Variants in FER1L6 observed in about 807,000 individuals in gnomAD.
The protein encoded by FER1L6 is fer-1 like family member 6, also known as fer-1-like protein 6.
FER1L6 carries 177 observed loss-of-function variants against 219.2 expected under a neutral mutation model. That is an observed-to-expected ratio of 0.81 (90% CI 0.71 to 0.91). The LOEUF is 0.91. Ranked by LOEUF, FER1L6 falls within the 40% of genes least tolerant of loss-of-function variation. The pLI is 0.00. For missense variants in FER1L6, 2,153 were observed against 2,259.9 expected (o/e 0.95, Z 0.96); for synonymous variants, 768 against 824.3 (o/e 0.93, Z 1.17).
intron 1 of FER1L6, among the ~76,000 whole-genome samples, chr8:123,857,408 GC>G (rs1816667324): frequency 6.6e-6 from 1 of 152,236 alleles, no homozygotes; most frequent in African/African-American, 2.4e-5. Flanking sequence ...TACTCAGGAG[GC>G]TGAGGCAGAG....
chr8:123,940,129 A>G (rs1814175746), intron 1 of FER1L6, among the ~76,000 whole-genome samples: 4 of 152,152 alleles, frequency 2.6e-5, no homozygotes, highest in Admixed American at 2.6e-4. Context: ...TACGATAACA[A>G]CTGTTGTGAG....
intron 1 of FER1L6, among the ~76,000 whole-genome samples, chr8:123,954,030 T>C (rs2130110929): frequency 6.6e-6 from 1 of 152,364 alleles, no homozygotes; most frequent in East Asian, 1.9e-4. Flanking sequence ...AGGGCACTTA[T>C]TTAGCACTTT....
At chr8:123,909,626 C>A (rs1813016773) in intron 1 of FER1L6, among the ~76,000 whole-genome samples, 1 of 152,116 alleles carries the variant, frequency 6.6e-6, no homozygotes, top group African/African-American at 2.4e-5. Context: ...GCTTTCTATG[C>A]CTTCAGAAAT....
In FER1L6 at chr8:123,960,295, C is replaced by T. The variant is rs144056597; in HGVS notation, c.77-2983C>T. 3.3e-3 allele frequency among the ~76,000 whole-genome samples: 502 copies of T among 152,124 alleles called. 3 individuals are homozygous for T. The highest frequency in any genetic ancestry group is 6.9e-3 in the South Asian group (33 of 4,810). ...AAGGCTCAGCCACTCTCGTTTTTGC[C>T]GAAAGTCTGGTTGAGAAGCAGTTCT... On this transcript the variant is annotated intron_variant, in intron 2 of 40. Transcript: ENST00000522917.
chr8:123,979,505 G>A (rs1816230805), intron 10 of FER1L6, among the ~76,000 whole-genome samples: 1 of 152,200 alleles, frequency 6.6e-6, no homozygotes. Context: ...TCAGGCCTCA[G>A]AGCCACCAGA....
intron 11 of FER1L6, chr8:123,985,345 C>T (rs537235034): frequency 6.6e-6 from 1 of 152,290 alleles, no homozygotes; most frequent in South Asian, 2.1e-4. Context: ...TTGCATGTAG[C>T]CCACCCTGGA....
At chr8:124,032,903 T>C (rs1819034725) in intron 18 of FER1L6, among the ~76,000 whole-genome samples, 1 of 152,244 alleles carries the variant, frequency 6.6e-6, no homozygotes, top group African/African-American at 2.4e-5. Flanking sequence ...AGAAATCAGA[T>C]TCTCAAAATT....
chr8:124,094,481 A>AATTT (rs998250499), intron 34 of FER1L6, among the ~76,000 whole-genome samples: 7 of 151,316 alleles, frequency 4.6e-5, no homozygotes, highest in African/African-American at 1.5e-4. Flanking sequence ...TTCCTTAGGA[A>AATTT]ATTTATTTAT....
Position 123,963,259 on chromosome 8 carries a change from C to T in FER1L6, c.77-19C>T. The T allele has an allele frequency of 6.2e-7, 1 of 1,613,354 alleles. No individual in the cohort carries two copies. ...CATGTCAATTTCACAGGATTTTCTT[C>T]CTTTGTTTGCTTCTCCAGATAGTCA... is the stretch of plus-strand genomic sequence containing the variant. On this transcript the variant is annotated intron_variant, in intron 2 of 40. Coordinates refer to ENST00000522917, the MANE Select transcript of FER1L6 (RefSeq NM_001039112.2).
rs113558520 is a variant in FER1L6 at position 124,107,543 on chromosome 8, G to A, written c.5289+4234G>A. Among the ~76,000 whole-genome samples, 558 of 152,262 alleles carry A rather than the reference G, an allele frequency of 3.7e-3. 6 individuals are homozygous for A. The highest frequency in any genetic ancestry group is 0.025 in the East Asian group (127 of 5,172). ...AGAAGCATTTGAGCTTATGATCTGAGCCCCACCTGCTAGGTACCAGAGTAG... is the reference window on the plus strand; with the variant it reads ...AGAAGCATTTGAGCTTATGATCTGAACCCCACCTGCTAGGTACCAGAGTAG... On this transcript the variant is annotated intron_variant, in intron 39 of 40. Transcript: ENST00000522917.
At position 124,097,793 on chromosome 8, in the gene FER1L6, T is replaced by A. The variant is rs1333148247; in HGVS notation, c.4793T>A (p.Leu1598Ter). The change falls in exon 37 of 41, where the codon TTG (leucine) becomes TAG (stop). Residue 1598 changes from leucine (L) to a stop codon, truncating the protein, a stop_gained. Coordinates refer to ENST00000522917, the MANE Select transcript of FER1L6 (RefSeq NM_001039112.2). LOFTEE classifies it high-confidence loss of function. The stretch of plus-strand genomic sequence containing the variant: ...TCCTTCTCCCATCCCAGATACGAAT[T>A]GAGAGTGACCATCTGGAACACTGAA... ...ISPRRPKGYE[L>*]RVTIWNTEDV... The A allele has an allele frequency of 1.9e-6, 3 of 1,585,022 alleles. No individual in the cohort carries two copies. The highest frequency in any genetic ancestry group is 2.2e-5 in the South Asian group (2 of 90,574).
intron 2 of FER1L6, among the ~76,000 whole-genome samples, chr8:123,956,473 A>G (rs73326376): frequency 1.3e-5 from 2 of 152,204 alleles, no homozygotes; most frequent in African/African-American, 2.4e-5. Context: ...TAAGAGGATC[A>G]CAGTTACTGT....
At chr8:123,861,409 G>A (rs1382643804) in intron 1 of FER1L6, among the ~76,000 whole-genome samples, 5 of 149,572 alleles carry the variant, frequency 3.3e-5, no homozygotes, top group Admixed American at 6.6e-5. Flanking sequence ...TTGAAGTCAG[G>A]TGGTGTGATG....
intron 39 of FER1L6, among the ~76,000 whole-genome samples, chr8:124,104,326 T>C (rs1419143373): frequency 6.6e-6 from 1 of 152,000 alleles, no homozygotes; most frequent in Non-Finnish European, 1.5e-5. Flanking sequence ...AATGAATGAG[T>C]CATGGCCTCT....
At chr8:123,919,502 G>T (rs1050435343) in intron 1 of FER1L6, among the ~76,000 whole-genome samples, 14 of 152,302 alleles carry the variant, frequency 9.2e-5, no homozygotes. Flanking sequence ...TGCCCTGGGG[G>T]GCCTGCCACA....
chr8:123,920,019 T>C (rs1813312390), intron 1 of FER1L6, among the ~76,000 whole-genome samples: 1 of 152,194 alleles, frequency 6.6e-6, no homozygotes, highest in African/African-American at 2.4e-5. Context: ...CATACTTCTC[T>C]TACAAAACAC....
At chr8:124,082,665 C>G (rs940673100) in intron 33 of FER1L6, among the ~76,000 whole-genome samples, 1 of 152,090 alleles carries the variant, frequency 6.6e-6, no homozygotes, top group African/African-American at 2.4e-5. Flanking sequence ...GGAGGCAGCT[C>G]TGATTGAGAA....
intron 1 of FER1L6, among the ~76,000 whole-genome samples, chr8:123,893,247 G>A (rs562601430): frequency 1.7e-4 from 26 of 152,026 alleles, no homozygotes; most frequent in Non-Finnish European, 2.9e-4. Flanking sequence ...AGCAGGTTTC[G>A]GACAACTTTG....
intron 1 of FER1L6, among the ~76,000 whole-genome samples, chr8:123,919,628 A>G (rs1010947782): frequency 6.6e-6 from 1 of 152,200 alleles, no homozygotes; most frequent in Non-Finnish European, 1.5e-5. Flanking sequence ...TCAGTGCAAA[A>G]TGGAAACGTA....
Sources: gnomAD v4.1 joint callset for allele counts (sites outside exome capture counted in the v4.1 genomes callset) on GRCh38, gnomAD v4.1.1 for gene constraint, MANE v1.5 for transcripts, NCBI Gene and HGNC (gene_info 2026-07-23, HGNC 2026-07-21) for gene names.